Variants in MBP observed in about 807,000 individuals in gnomAD.
MBP encodes the protein myelin basic protein, also known as Golli-MBP.
MBP carries 16 observed loss-of-function variants against 35.8 expected under a neutral mutation model. That is an observed-to-expected ratio of 0.45 (90% CI 0.30 to 0.68). MBP has a LOEUF of 0.68. Ranked by LOEUF, MBP falls within the 30% of genes least tolerant of loss-of-function variation. The pLI, the probability that MBP is intolerant of heterozygous loss-of-function variation, is 0.08. For missense variants in MBP, 380 were observed against 404.7 expected, an observed-to-expected ratio of 0.94 and a Z score of 0.52; for synonymous variants, 143 against 159.6, an observed-to-expected ratio of 0.90 and a Z score of 0.78.
chr18:77,025,705 C>CTTTTTTTTTTTTTT (rs540022394), intron 3 of MBP, among the ~76,000 whole-genome samples: 3,538 of 108,516 alleles, frequency 0.033, 517 homozygotes, highest in African/African-American at 0.1. Context: ...TATTGAAATA[C>CTTTTTTTTTTTTTT]TTTTTTTTTT....
chr18:77,066,962 C>G (rs967323218), intron 2 of MBP, among the ~76,000 whole-genome samples: 2 of 152,242 alleles, frequency 1.3e-5, no homozygotes, highest in Non-Finnish European at 2.9e-5. Context: ...CAGAGTTTCT[C>G]CTCTGGGCCT....
At chr18:77,092,900 C>G (rs1975594686) in intron 2 of MBP, among the ~76,000 whole-genome samples, 1 of 152,168 alleles carries the variant, frequency 6.6e-6, no homozygotes, top group Non-Finnish European at 1.5e-5. Context: ...ACACACCGGC[C>G]CCGCGTGCGT....
intron 3 of MBP, among the ~76,000 whole-genome samples, chr18:77,048,383 AG>A (rs1313118758): frequency 1.3e-5 from 2 of 152,240 alleles, no homozygotes; most frequent in Non-Finnish European, 2.9e-5. Flanking sequence ...GAAAAATGAA[AG>A]CTCATCACTC....
Position 76,984,842 on chromosome 18 carries a change from T to C in MBP, c.803A>G (p.Tyr268Cys), listed in dbSNP as rs765653905. The C allele has an allele frequency of 6.2e-7, 1 of 1,614,066 alleles. No homozygotes were observed. The highest frequency in any genetic ancestry group is 8.5e-7 in the Non-Finnish European group (1 of 1,180,036). Residue 268 changes from tyrosine (Y) to cysteine (C), a missense_variant, in exon 8 of 9, where the codon TAT becomes TGT. Coordinates refer to ENST00000355994, the MANE Select transcript of MBP (RefSeq NM_001025101.2). ...CTTGAATCCCTTGTGAGCCGATTTA[T>C]AGTCGGACGCTCTGCCTCCGTAGCC... ...GFGYGGRASD[Y>C]KSAHKGFKGV...
intron 2 of MBP, among the ~76,000 whole-genome samples, chr18:77,067,395 A>C: frequency 6.6e-6 from 1 of 152,154 alleles, no homozygotes; most frequent in East Asian, 1.9e-4. Flanking sequence ...GGGATCCTGG[A>C]GGTGACGTCA....
chr18:77,025,957 C>T (rs1972203869), intron 3 of MBP, among the ~76,000 whole-genome samples: 1 of 152,170 alleles, frequency 6.6e-6, no homozygotes, highest in Admixed American at 6.5e-5. Context: ...CCGTCCTTCT[C>T]CCCATGCCCT....
At chr18:77,105,965 T>C (rs552961246) in intron 1 of MBP, among the ~76,000 whole-genome samples, 121 of 152,338 alleles carry the variant, frequency 7.9e-4, no homozygotes, top group African/African-American at 2.9e-3. Context: ...GCCACACCCA[T>C]TCCAAGCAAA....
At chr18:77,078,573 G>A (rs867121258) in intron 2 of MBP, among the ~76,000 whole-genome samples, 8 of 152,210 alleles carry the variant, frequency 5.3e-5, no homozygotes, top group Non-Finnish European at 8.8e-5. Flanking sequence ...CCAGAATCAG[G>A]AAATTCGAAG....
intron 2 of MBP, among the ~76,000 whole-genome samples, chr18:77,078,655 A>G (rs1974759935): frequency 6.6e-6 from 1 of 152,254 alleles, no homozygotes; most frequent in African/African-American, 2.4e-5. Flanking sequence ...TGAGGACTTG[A>G]GCTGTGGACT....
At chr18:77,073,829 ATT>A (rs1974545792) in intron 2 of MBP, among the ~76,000 whole-genome samples, 1 of 152,214 alleles carries the variant, frequency 6.6e-6, no homozygotes, top group Non-Finnish European at 1.5e-5. Context: ...CGATGGGTGT[ATT>A]CTCTTGCCTT....
At chr18:76,999,201 G>C (rs2123269629) in intron 4 of MBP, among the ~76,000 whole-genome samples, 1 of 152,174 alleles carries the variant, frequency 6.6e-6, no homozygotes, top group Admixed American at 6.5e-5. Flanking sequence ...GGCACTTAGG[G>C]GGTGAAGGTG....
chr18:76,980,676 TGA>T (rs1011137815), intron 8 of MBP: 5 of 574,854 alleles, frequency 8.7e-6, no homozygotes, highest in African/African-American at 5.6e-5. Context: ...TCCAGTTCTG[TGA>T]GAGAGAACTG....
At chr18:77,129,420 G>A (rs1416074467) in intron 1 of MBP, among the ~76,000 whole-genome samples, 1 of 152,192 alleles carries the variant, frequency 6.6e-6, no homozygotes, top group African/African-American at 2.4e-5. Context: ...CTTCTGGCTG[G>A]CCTGTCCTAC....
intron 1 of MBP, chr18:77,110,643 G>A (rs1489260228): frequency 6.6e-6 from 1 of 152,172 alleles, no homozygotes; most frequent in Non-Finnish European, 1.5e-5. Flanking sequence ...CCTTGCAGCT[G>A]TTGCTGGTCA....
Position 77,054,104 on chromosome 18 carries a change from C to A in MBP, c.139+12194G>T, listed in dbSNP as rs1973627170. On this transcript the variant is annotated intron_variant, in intron 3 of 8. Coordinates refer to ENST00000355994, the MANE Select transcript of MBP (RefSeq NM_001025101.2). ...CCCTTGGGCTGTCCTCCCGGTCCCT[C>A]CCCGCCCTGCCCTCCGATGGCAGAG... is the stretch of plus-strand genomic sequence containing the variant. Among the ~76,000 whole-genome samples the A allele has an allele frequency of 2.0e-5, 3 of 152,360 alleles. No homozygotes were observed. In the South Asian group the frequency reaches 6.2e-4, roughly 32 times the overall value.
intron 2 of MBP, among the ~76,000 whole-genome samples, chr18:77,073,578 G>A (rs367772375): frequency 1.1e-4 from 17 of 152,322 alleles, no homozygotes; most frequent in African/African-American, 3.8e-4. Context: ...CAGTAGCTAC[G>A]CCAGTGCCCT....
chr18:77,120,653 G>A (rs1976861200), intron 1 of MBP, among the ~76,000 whole-genome samples: 1 of 152,208 alleles, frequency 6.6e-6, no homozygotes, highest in Admixed American at 6.5e-5. Flanking sequence ...AAATTCCAGA[G>A]AGAGTGGCAA....
intron 1 of MBP, among the ~76,000 whole-genome samples, chr18:77,125,475 TC>T (rs1314177531): frequency 2.0e-5 from 3 of 152,112 alleles, no homozygotes; most frequent in Non-Finnish European, 4.4e-5. Context: ...TTCCCTCCCC[TC>T]CCCGAGATTA....
chr18:77,075,499 G>A (rs1041449473), intron 2 of MBP, among the ~76,000 whole-genome samples: 1 of 152,218 alleles, frequency 6.6e-6, no homozygotes, highest in Non-Finnish European at 1.5e-5. Context: ...CGGGCTGAAG[G>A]TGGAGTGGCG....
Sources: allele counts gnomAD v4.1 joint callset (sites outside exome capture counted in the v4.1 genomes callset), GRCh38; gene constraint gnomAD v4.1.1; transcripts MANE v1.5; gene names NCBI Gene and HGNC (gene_info 2026-07-23, HGNC 2026-07-21).